Variants in EXOC6B observed in about 807,000 individuals in gnomAD.
EXOC6B encodes exocyst complex component 6B.
A neutral mutation model predicts 113.5 loss-of-function variants in EXOC6B; 54 were observed. The ratio of observed to expected loss-of-function variants is 0.48; its 90% CI spans 0.38 to 0.60. The LOEUF (loss-of-function observed/expected upper bound fraction) is 0.60. EXOC6B is among the 20% of genes least tolerant of loss of function. EXOC6B has a pLI of 0.00. For missense variants in EXOC6B, 797 were observed against 977.5 expected (o/e 0.82, Z 2.46); for synonymous variants, 357 against 339.0 (o/e 1.05, Z -0.58).
intron 6 of EXOC6B, among the ~76,000 whole-genome samples, chr2:72,586,873 C>T (rs1373090820): frequency 6.6e-6 from 1 of 151,764 alleles, no homozygotes; most frequent in South Asian, 2.1e-4. Context: ...TACCATCTCA[C>T]ACCAGTCAGA....
At chr2:72,808,219 G>C (rs913498680) in intron 1 of EXOC6B, among the ~76,000 whole-genome samples, 2 of 152,156 alleles carry the variant, frequency 1.3e-5, no homozygotes, top group African/African-American at 2.4e-5. Context: ...GCTTTACTTT[G>C]CTGAGTTTTC....
chr2:72,657,695 G>T (rs191168287), intron 6 of EXOC6B, among the ~76,000 whole-genome samples: 14 of 135,786 alleles, frequency 1.0e-4, no homozygotes, highest in African/African-American at 3.8e-4. Context: ...AAAAGAAAAA[G>T]TTGGGGTCTC....
At position 72,190,977 on chromosome 2, in the gene EXOC6B, C is replaced by T. The variant is rs1678793371; in HGVS notation, c.2197-6790G>A. Among the ~76,000 whole-genome samples, 3 of 152,198 alleles carry T rather than the reference C, an allele frequency of 2.0e-5. No homozygotes were observed. The South Asian group carries it at 6.2e-4, about 32-fold the overall frequency. ...TAATTCAATCAAAAGCAAACTCAAC[C>T]CATCATTAATGATGCTTTGATTTCA... On this transcript the variant is annotated intron_variant, in intron 20 of 21. Transcript: ENST00000272427.
At chr2:72,645,783 T>C (rs1261884176) in intron 6 of EXOC6B, among the ~76,000 whole-genome samples, 1 of 152,134 alleles carries the variant, frequency 6.6e-6, no homozygotes, top group Admixed American at 6.6e-5. Context: ...CTGGGACACA[T>C]TTAAAGCAGT....
intron 20 of EXOC6B, among the ~76,000 whole-genome samples, chr2:72,257,476 A>G (rs1683422334): frequency 1.3e-5 from 2 of 152,228 alleles, no homozygotes; most frequent in South Asian, 4.1e-4. Flanking sequence ...AGTAAGCCCA[A>G]TCTTAGCAGA....
chr2:72,365,553 T>C (rs1393467892), intron 19 of EXOC6B, among the ~76,000 whole-genome samples: 1 of 152,110 alleles, frequency 6.6e-6, no homozygotes, highest in Non-Finnish European at 1.5e-5. Flanking sequence ...GTTGTCTTAC[T>C]GAGTTGAAAA....
chr2:72,731,082 T>A (rs968850122), intron 4 of EXOC6B, 30 bp from the exon 5 acceptor site: 2 of 1,562,752 alleles, frequency 1.3e-6, no homozygotes, highest in Non-Finnish European at 1.7e-6. Flanking sequence ...TACACAAACA[T>A]GATTTAGAGA....
At chr2:72,616,545 A>C (rs573706192) in intron 6 of EXOC6B, among the ~76,000 whole-genome samples, 12 of 152,338 alleles carry the variant, frequency 7.9e-5, no homozygotes, top group African/African-American at 2.9e-4. Flanking sequence ...GGCAAGAAGG[A>C]ACAAGTCACG....
At chr2:72,483,059 C>T (rs1020649953) in intron 16 of EXOC6B, among the ~76,000 whole-genome samples, 3 of 152,132 alleles carry the variant, frequency 2.0e-5, no homozygotes, top group Non-Finnish European at 2.9e-5. Context: ...AAGACTACTA[C>T]GTCCTATAAA....
At chr2:72,330,679 A>G (rs1045056869) in intron 20 of EXOC6B, among the ~76,000 whole-genome samples, 1 of 151,870 alleles carries the variant, frequency 6.6e-6, no homozygotes, top group African/African-American at 2.4e-5. Context: ...CTTCATTTGC[A>G]TTGTTTATAT....
At chr2:72,494,794 C>A (rs1431967827) in intron 15 of EXOC6B, among the ~76,000 whole-genome samples, 1 of 152,074 alleles carries the variant, frequency 6.6e-6, no homozygotes, top group Non-Finnish European at 1.5e-5. Context: ...ACATTTTCAG[C>A]AACTTAATTA....
chr2:72,753,364 A>G (rs1573741159), intron 1 of EXOC6B, among the ~76,000 whole-genome samples: 1 of 152,158 alleles, frequency 6.6e-6, no homozygotes, highest in Non-Finnish European at 1.5e-5. Flanking sequence ...AAATATGTAC[A>G]TTAACCTTGA....
intron 6 of EXOC6B, among the ~76,000 whole-genome samples, chr2:72,620,159 G>A (rs1671657067): frequency 6.6e-6 from 1 of 152,182 alleles, no homozygotes; most frequent in Admixed American, 6.5e-5. Context: ...AAGGGATATG[G>A]GCAGCCTCTG....
rs755302023 is a variant in EXOC6B at position 72,741,441 on chromosome 2, G to A, written c.142C>T (p.Arg48Cys). The A allele has an allele frequency of 6.2e-6, 10 of 1,613,044 alleles. No homozygotes were observed. Among genetic ancestry groups the A allele is most frequent in the South Asian group, 3.3e-5 (3 of 91,036 alleles). ...CGAGTTTCAAGCTTCTCCATGAAAC[G>A]TCCATGTTCTTCACCATCATAAACA... ...RSVYDGEEHGRFMEKLETRIR... is the reference protein window; with the variant it reads ...RSVYDGEEHGCFMEKLETRIR... Residue 48 changes from arginine (R) to cysteine (C), a missense_variant, in exon 2 of 22, where the codon CGT becomes TGT. Transcript: ENST00000272427.
At chr2:72,236,118 C>T (rs566753668) in intron 20 of EXOC6B, among the ~76,000 whole-genome samples, 1 of 152,304 alleles carries the variant, frequency 6.6e-6, no homozygotes, top group East Asian at 1.9e-4. Context: ...GATTCTTGAG[C>T]TGAACCAAAA....
chr2:72,226,314 A>T (rs760317269), intron 20 of EXOC6B, among the ~76,000 whole-genome samples: 3 of 152,232 alleles, frequency 2.0e-5, no homozygotes, highest in Non-Finnish European at 4.4e-5. Context: ...GTTGTGACAA[A>T]TGTTTCACTG....
intron 20 of EXOC6B, among the ~76,000 whole-genome samples, chr2:72,195,385 G>A (rs1679105470): frequency 6.6e-6 from 1 of 152,206 alleles, no homozygotes; most frequent in Non-Finnish European, 1.5e-5. Flanking sequence ...GGGGAGGATG[G>A]GAGGCCCCTG....
intron 20 of EXOC6B, among the ~76,000 whole-genome samples, chr2:72,271,942 T>G (rs910664269): frequency 1.3e-5 from 2 of 152,086 alleles, no homozygotes; most frequent in African/African-American, 2.4e-5. Context: ...CATTTGGCCG[T>G]TTTTGCTTTT....
intron 20 of EXOC6B, among the ~76,000 whole-genome samples, chr2:72,189,349 C>G (rs1678660240): frequency 6.6e-6 from 1 of 152,162 alleles, no homozygotes; most frequent in Non-Finnish European, 1.5e-5. Flanking sequence ...AATTCTTTAG[C>G]AGAACACTAT....
Sources: allele counts gnomAD v4.1 joint callset (sites outside exome capture counted in the v4.1 genomes callset), GRCh38; gene constraint gnomAD v4.1.1; transcripts MANE v1.5; gene names NCBI Gene and HGNC (gene_info 2026-07-23, HGNC 2026-07-21).